The following SNX24 variants were observed in gnomAD, a reference collection of about 807,000 sequenced individuals.
The protein encoded by SNX24 is sorting nexin 24.
In SNX24, 22 loss-of-function variants were observed where a neutral mutation model predicts 28.7. The ratio of observed to expected loss-of-function variants is 0.77; its 90% CI spans 0.55 to 1.10. The LOEUF is 1.10. Among genes scored for constraint, SNX24 ranks in the 50% least tolerant of loss-of-function variants. The pLI is 0.00. For missense variants in SNX24, 221 were observed against 201.1 expected (o/e 1.10, Z -0.60); for synonymous variants, 69 against 71.5 (o/e 0.96, Z 0.18).
chr5:122,897,089 T>A (rs1359122371), intron 1 of SNX24, among the ~76,000 whole-genome samples: 2 of 152,218 alleles, frequency 1.3e-5, no homozygotes, highest in Non-Finnish European at 2.9e-5. Flanking sequence ...TATTTAAGTG[T>A]CATTTCACAG....
At chr5:123,001,097 G>A (rs2150175947) in intron 4 of SNX24, among the ~76,000 whole-genome samples, 1 of 152,284 alleles carries the variant, frequency 6.6e-6, no homozygotes, top group East Asian at 1.9e-4. Context: ...ATATGTTTAT[G>A]TATTTTTTAG....
intron 1 of SNX24, among the ~76,000 whole-genome samples, chr5:122,925,497 CAA>C (rs1489664060): frequency 6.6e-6 from 1 of 151,920 alleles, no homozygotes; most frequent in Non-Finnish European, 1.5e-5. Flanking sequence ...CTCCTGGGCT[CAA>C]GTGATCCTCC....
intron 3 of SNX24, among the ~76,000 whole-genome samples, chr5:122,995,527 G>T (rs445841): frequency 0.34 from 51,976 of 151,870 alleles, 9,542 homozygotes; most frequent in African/African-American, 0.42. Flanking sequence ...ACTGTTCAGC[G>T]CATTTGACAC....
At chr5:123,011,476 CA>C (rs1157311017), downstream of SNX24, among the ~76,000 whole-genome samples, 2 of 151,970 alleles carry the variant, frequency 1.3e-5, no homozygotes, top group Non-Finnish European at 2.9e-5. Flanking sequence ...CCTACAGTTA[CA>C]GTTATAAGTT....
intron 5 of SNX24, among the ~76,000 whole-genome samples, chr5:123,021,837 C>A (rs150564800): frequency 1.3e-5 from 2 of 152,196 alleles, no homozygotes; most frequent in South Asian, 4.2e-4. Context: ...TTCTCTTCTG[C>A]CCTGGAATTC....
chr5:122,855,357 C>G (rs1755135141), intron 1 of SNX24, among the ~76,000 whole-genome samples: 1 of 152,170 alleles, frequency 6.6e-6, no homozygotes, highest in Admixed American at 6.5e-5. Flanking sequence ...CATGAGCCAC[C>G]ACGCCCAGCC....
intron 1 of SNX24, among the ~76,000 whole-genome samples, chr5:122,850,280 C>T (rs1472421310): frequency 1.3e-5 from 2 of 152,120 alleles, no homozygotes; most frequent in Admixed American, 1.3e-4. Context: ...TAGGTGATCC[C>T]TGCTTGTTGT....
chr5:122,955,137 T>C (rs1293192007), intron 3 of SNX24, among the ~76,000 whole-genome samples: 1 of 152,140 alleles, frequency 6.6e-6, no homozygotes, highest in African/African-American at 2.4e-5. Flanking sequence ...ATTCTTTCCT[T>C]GATTCCTTGC....
In SNX24 at chr5:123,008,988, T is replaced by G. The variant is rs1209041218; in HGVS notation, c.*1239T>G. ...GGTATTTAAAATCAAAACTAATAAC[T>G]ACATCATGGTTTTTGATTAGGATCT... On this transcript the variant is annotated 3_prime_UTR_variant, in exon 7 of 7. Transcript: ENST00000261369. The G allele has an allele frequency of 3.0e-6, 3 of 985,668 alleles. No individual in the cohort carries two copies. Among genetic ancestry groups the G allele is most frequent in the Non-Finnish European group, 3.6e-6 (3 of 829,846 alleles). 61.1% of individuals were successfully genotyped at this position (985,668 alleles called of 1,614,324 possible). A position where few individuals can be genotyped will look rare whatever the true frequency, so the allele number is the denominator to read the frequency against.
chr5:122,982,548 A>T (rs577285882), intron 3 of SNX24, among the ~76,000 whole-genome samples: 1 of 152,238 alleles, frequency 6.6e-6, no homozygotes, highest in Non-Finnish European at 1.5e-5. Context: ...AAAGATGCCA[A>T]TGTTCAGTAG....
chr5:122,936,656 T>A, intron 1 of SNX24, 78 bp from the exon 2 acceptor site: 2 of 835,624 alleles, frequency 2.4e-6, no homozygotes, highest in Non-Finnish European at 3.9e-6. Flanking sequence ...ATGAAATATA[T>A]CATGGTCACA....
intron 1 of SNX24, among the ~76,000 whole-genome samples, chr5:122,929,682 T>C (rs568251009): frequency 2.0e-4 from 31 of 152,242 alleles, no homozygotes; most frequent in African/African-American, 7.5e-4. Context: ...GCTTTGACAC[T>C]ATCACTAAAA....
At chr5:122,906,728 G>C (rs1455768107) in intron 1 of SNX24, among the ~76,000 whole-genome samples, 2 of 152,172 alleles carry the variant, frequency 1.3e-5, no homozygotes, top group Non-Finnish European at 2.9e-5. Context: ...GGCTGGTCTT[G>C]AACCCCTGAC....
At chr5:122,888,065 A>G (rs945167204) in intron 1 of SNX24, among the ~76,000 whole-genome samples, 2 of 152,090 alleles carry the variant, frequency 1.3e-5, no homozygotes, top group Admixed American at 6.5e-5. Flanking sequence ...TATATGTTTC[A>G]TTTGACTTGC....
intron 3 of SNX24, among the ~76,000 whole-genome samples, chr5:122,982,244 A>C (rs965290846): frequency 1.3e-5 from 2 of 152,178 alleles, no homozygotes; most frequent in Admixed American, 6.5e-5. Flanking sequence ...AGTTAAACTG[A>C]AGGAGCTGTT....
intron 1 of SNX24, among the ~76,000 whole-genome samples, chr5:122,880,258 A>G (rs1353616143): frequency 6.7e-6 from 1 of 149,892 alleles, no homozygotes; most frequent in Non-Finnish European, 1.5e-5. Flanking sequence ...GGTGTTTCGG[A>G]GACGTGTGCC....
chr5:122,847,896 T>G (rs564602591), intron 1 of SNX24, among the ~76,000 whole-genome samples: 1 of 152,196 alleles, frequency 6.6e-6, no homozygotes, highest in Non-Finnish European at 1.5e-5. Flanking sequence ...TGTACAGCGG[T>G]TTTTCATTCA....
At chr5:122,958,489 G>A (rs1267148648) in intron 3 of SNX24, among the ~76,000 whole-genome samples, 1 of 151,702 alleles carries the variant, frequency 6.6e-6, no homozygotes, top group Non-Finnish European at 1.5e-5. Flanking sequence ...CTTGATCTCA[G>A]GTGATCCACC....
intron 3 of SNX24, among the ~76,000 whole-genome samples, chr5:122,996,125 A>C (rs1762045192): frequency 6.6e-6 from 1 of 152,248 alleles, no homozygotes; most frequent in South Asian, 2.1e-4. Context: ...CCTTTACCAC[A>C]GTAGCCTCAA....
Sources: gnomAD v4.1 joint callset for allele counts (sites outside exome capture counted in the v4.1 genomes callset) on GRCh38, gnomAD v4.1.1 for gene constraint, MANE v1.5 for transcripts, NCBI Gene and HGNC (gene_info 2026-07-23, HGNC 2026-07-21) for gene names.